CEP164: variants seen among roughly 807,000 people sequenced by gnomAD.
The protein encoded by CEP164 is centrosomal protein of 164 kDa.
CEP164 carries 162 observed loss-of-function variants against 182.7 expected under a neutral mutation model. That is an observed-to-expected ratio of 0.89 (90% CI 0.78 to 1.01). The LOEUF (loss-of-function observed/expected upper bound fraction) is 1.01, where lower values mean the gene tolerates loss of function less well. CEP164 is among the 50% of genes least tolerant of loss of function. CEP164 has a pLI of 0.00. For missense variants in CEP164, 1,735 were observed against 1,790.4 expected (o/e 0.97, Z 0.56); for synonymous variants, 661 against 690.0 (o/e 0.96, Z 0.66).
intron 27 of CEP164, among the ~76,000 whole-genome samples, chr11:117,397,808 G>T (rs919724898): frequency 6.6e-6 from 1 of 152,146 alleles, no homozygotes; most frequent in South Asian, 2.1e-4. Flanking sequence ...CCCACAACAC[G>T]TGGAAATTAT....
intron 9 of CEP164, among the ~76,000 whole-genome samples, chr11:117,372,842 GGCTGTGTTCT>G (rs2042355230): frequency 6.6e-6 from 1 of 152,138 alleles, no homozygotes; most frequent in South Asian, 2.1e-4. Context: ...TACCACATTT[GGCTGTGTTCT>G]GCCCCAGCGT....
rs190404794 is a variant in CEP164 at position 117,355,119 on chromosome 11, T to C, written c.393+3131T>C. On this transcript the variant is annotated intron_variant, in intron 5 of 32. Coordinates refer to ENST00000278935, the MANE Select transcript of CEP164 (RefSeq NM_014956.5). Reference sequence around the variant, plus strand: ...ACTCCCTGGCGTTTCATGGGTGCCCTTCCCAGAAAGCTGCAGCCACTCTCC... The same window carrying C: ...ACTCCCTGGCGTTTCATGGGTGCCCCTCCCAGAAAGCTGCAGCCACTCTCC... 318 of 1,289,840 alleles carry C rather than the reference T, an allele frequency of 2.5e-4. 2 individuals are homozygous for C. In the African/African-American group the frequency reaches 4.5e-3, roughly 18 times the overall value. 79.9% of individuals were successfully genotyped at this position (1,289,840 alleles called of 1,614,324 possible). A position where few individuals can be genotyped will look rare whatever the true frequency, so the allele number is the denominator to read the frequency against.
Position 117,391,066 on chromosome 11 carries a change from G to T in CEP164, c.2134G>T (p.Ala712Ser). Residue 712 changes from alanine (A) to serine (S), a missense_variant, in exon 17 of 33, where the codon GCC becomes TCC. Transcript: ENST00000278935. ...GGAGTCTCAACAGAAGGCTGAGAGGGCCAGCTTGGAACAGAAAAATAGGCA... is the reference window on the plus strand; with the variant it reads ...GGAGTCTCAACAGAAGGCTGAGAGGTCCAGCTTGGAACAGAAAAATAGGCA... Reference protein sequence around the residue: ...ELESQQKAERASLEQKNRQML... With the variant: ...ELESQQKAERSSLEQKNRQML... The T allele has an allele frequency of 1.2e-6, 2 of 1,614,172 alleles. No individual in the cohort carries two copies. Among genetic ancestry groups the T allele is most frequent in the Non-Finnish European group, 1.7e-6 (2 of 1,180,038 alleles).
chr11:117,358,734 G>A, intron 5 of CEP164, among the ~76,000 whole-genome samples: 1 of 151,970 alleles, frequency 6.6e-6, no homozygotes, highest in East Asian at 1.9e-4. Context: ...GGGTCTTACT[G>A]TGTTGCCCAG....
At chr11:117,341,525 C>A (rs768573190) in intron 3 of CEP164, among the ~76,000 whole-genome samples, 1 of 151,700 alleles carries the variant, frequency 6.6e-6, no homozygotes, top group Non-Finnish European at 1.5e-5. Flanking sequence ...CTTATTGAAG[C>A]CTTGACCCCT....
At chr11:117,396,008 C>A (rs754458514) in intron 24 of CEP164, 46 bp from the exon 25 acceptor site, 4 of 1,611,754 alleles carry the variant, frequency 2.5e-6, no homozygotes, top group Non-Finnish European at 3.4e-6. Flanking sequence ...CCCTCCCCCC[C>A]ATCGCCAGCC....
intron 8 of CEP164, among the ~76,000 whole-genome samples, chr11:117,368,198 G>C (rs2041853332): frequency 1.3e-5 from 2 of 152,212 alleles, no homozygotes; most frequent in Non-Finnish European, 2.9e-5. Context: ...GCTCATTTCA[G>C]GTCAGCTGAC....
intron 1 of CEP164, among the ~76,000 whole-genome samples, chr11:117,329,581 GC>G (rs2035867717): frequency 1.3e-5 from 2 of 152,074 alleles, no homozygotes; most frequent in Non-Finnish European, 2.9e-5. Context: ...TTGCTCTGTC[GC>G]CCAGGCTGGA....
At chr11:117,328,409 C>CT (rs1248138546) in intron 1 of CEP164, among the ~76,000 whole-genome samples, 2 of 152,220 alleles carry the variant, frequency 1.3e-5, no homozygotes, top group African/African-American at 4.8e-5. Flanking sequence ...AGTTGGAAAG[C>CT]TTTTTTGTTT....
intron 3 of CEP164, among the ~76,000 whole-genome samples, chr11:117,343,245 T>G (rs1167114512): frequency 2.0e-5 from 3 of 152,236 alleles, no homozygotes; most frequent in African/African-American, 7.2e-5. Flanking sequence ...AAGGGAGGGT[T>G]CAGTGAGTGG....
chr11:117,343,999 T>C (rs567867302), intron 3 of CEP164, among the ~76,000 whole-genome samples, 167 bp from the exon 4 acceptor site: 2 of 152,332 alleles, frequency 1.3e-5, no homozygotes, highest in Non-Finnish European at 2.9e-5. Flanking sequence ...TGGATTCAAG[T>C]GTACTATTTG....
chr11:117,332,871 G>A (rs1051977359), intron 1 of CEP164, among the ~76,000 whole-genome samples: 3 of 152,336 alleles, frequency 2.0e-5, no homozygotes, highest in South Asian at 2.1e-4. Flanking sequence ...TAACTGCTAC[G>A]TAGTGAACAA....
upstream of CEP164, among the ~76,000 whole-genome samples, chr11:117,323,578 A>T (rs1173121286): frequency 6.6e-6 from 1 of 152,158 alleles, no homozygotes; most frequent in Non-Finnish European, 1.5e-5. Context: ...AATCTTTTTA[A>T]CATACTAATT....
At chr11:117,402,058 T>C (rs1486357266) in intron 27 of CEP164, among the ~76,000 whole-genome samples, 1 of 152,178 alleles carries the variant, frequency 6.6e-6, no homozygotes, top group Non-Finnish European at 1.5e-5. Context: ...CTTTTAATTG[T>C]GGTGTTAGGG....
rs754626177 is a variant in CEP164, at chr11:117,362,007, C to G, written c.552+14C>G. On this transcript the variant is annotated intron_variant, in intron 6 of 32. Coordinates refer to ENST00000278935, the MANE Select transcript of CEP164 (RefSeq NM_014956.5). ...GAACTCATGCTGGTAAGTACGTTCT[C>G]TTGCGTTCAGTGTCTGTAGTTCCTG... 7.1e-6 allele frequency: 11 copies of G among 1,546,088 alleles called. No homozygotes were observed. The highest frequency in any genetic ancestry group is 2.1e-5 in the Admixed American group (1 of 47,442).
chr11:117,389,549 G>T (rs371926485), intron 15 of CEP164, among the ~76,000 whole-genome samples: 6 of 152,358 alleles, frequency 3.9e-5, no homozygotes, highest in African/African-American at 9.6e-5. Flanking sequence ...GATGAATTAT[G>T]ATGCCATGTG....
At chr11:117,355,724 A>T in intron 5 of CEP164, 3 of 1,174,414 alleles carry the variant, frequency 2.6e-6, no homozygotes, top group Non-Finnish European at 3.2e-6. Flanking sequence ...TGGACTGTGG[A>T]TGGAACAGGT....
intron 30 of CEP164, chr11:117,410,620 A>G (rs1460490962): frequency 8.1e-6 from 4 of 496,628 alleles, no homozygotes; most frequent in African/African-American, 1.9e-5. Context: ...GGGGAAACAA[A>G]ATATCTTCTT....
intron 14 of CEP164, 70 bp downstream of exon 14, chr11:117,383,012 C>G: frequency 1.3e-6 from 2 of 1,532,506 alleles, no homozygotes; most frequent in Non-Finnish European, 1.8e-6. Flanking sequence ...CCTATTCACT[C>G]TTGGGTGGTG....
Sources: gnomAD v4.1 joint callset for allele counts (sites outside exome capture counted in the v4.1 genomes callset) on GRCh38, gnomAD v4.1.1 for gene constraint, MANE v1.5 for transcripts, NCBI Gene and HGNC (gene_info 2026-07-23, HGNC 2026-07-21) for gene names.